ITLN1: variants seen among roughly 807,000 people sequenced by gnomAD.
The protein encoded by ITLN1 is intelectin 1.
Under a neutral mutation model 36.2 loss-of-function variants are expected in ITLN1, and 29 were observed. The observed-to-expected ratio is 0.80, with a 90% CI of 0.60 to 1.09. The LOEUF is 1.09. Ranked by LOEUF, ITLN1 falls within the 50% of genes least tolerant of loss-of-function variation. The probability of loss-of-function intolerance (pLI) is 0.00; values close to 1 mark genes in which losing one functional copy is unlikely to be tolerated. For synonymous variants in ITLN1, 143 were observed against 146.5 expected (o/e 0.98, Z 0.17); for missense variants, 358 against 405.2 (o/e 0.88, Z 1.00).
intron 6 of ITLN1, among the ~76,000 whole-genome samples, chr1:160,879,788 A>C (rs562546676): frequency 6.6e-6 from 1 of 152,324 alleles, no homozygotes; most frequent in South Asian, 2.1e-4. Flanking sequence ...TTTATTTTAA[A>C]ATCTCAACTC....
In ITLN1 at chr1:160,879,537, G is replaced by A. The variant is rs554694338; in HGVS notation, c.686-123C>T. On this transcript the variant is annotated intron_variant, in intron 6 of 7. Coordinates refer to ENST00000326245, the MANE Select transcript of ITLN1 (RefSeq NM_017625.3). ...AGCCCAACACTCCAGCTGTACTGGTGGAGCCCAGCACCCCTGTGGCCAATG... is the reference window on the plus strand; with the variant it reads ...AGCCCAACACTCCAGCTGTACTGGTAGAGCCCAGCACCCCTGTGGCCAATG... 8.2e-6 allele frequency: 6 copies of A among 733,918 alleles called. No individual in the cohort carries two copies. In the Admixed American group the frequency reaches 1.1e-4, roughly 13 times the overall value. 45.5% of individuals were successfully genotyped at this position (733,918 alleles called of 1,614,324 possible). A position where few individuals can be genotyped will look rare whatever the true frequency, so the allele number is the denominator to read the frequency against.
rs758448918 is a variant in ITLN1 at position 160,876,745 on chromosome 1, A to G, written c.861T>C (p.Asp287=). The G allele has an allele frequency of 5.6e-6, 9 of 1,614,196 alleles. No individual in the cohort carries two copies. The highest frequency in any genetic ancestry group is 7.6e-6 in the Non-Finnish European group (9 of 1,180,012). The change falls in exon 8 of 8, where the codon GAT becomes GAC. Residue 287 remains aspartate (D), a synonymous_variant. Coordinates refer to ENST00000326245, the MANE Select transcript of ITLN1 (RefSeq NM_017625.3). ...CAACATGAGTTCCATATCCACTCCA[A>G]TCAAAACCAGAAAAATCTCCACACT... ...PQQCGDFSGF[D]WSGYGTHVGY...
intron 5 of ITLN1, 137 bp downstream of exon 5, chr1:160,881,017 G>T: frequency 9.6e-7 from 1 of 1,038,986 alleles, no homozygotes; most frequent in Non-Finnish European, 1.4e-6. Flanking sequence ...CCTAAGAGAA[G>T]CAACAGAAGC....
chr1:160,883,435 AC>A lies in ITLN1; in HGVS notation c.149del (p.Ser50MetfsTer23). 2 of 1,609,778 alleles carry A rather than the reference AC, an allele frequency of 1.2e-6. No homozygotes were observed. Among genetic ancestry groups the A allele is most frequent in the Non-Finnish European group, 1.7e-6 (2 of 1,176,056 alleles). On this transcript the variant is annotated frameshift_variant, in exon 3 of 8. Coordinates refer to ENST00000326245, the MANE Select transcript of ITLN1 (RefSeq NM_017625.3). LOFTEE classifies it high-confidence loss of function. ...GAATGTTTCATCACTCACCAAATGC[AC>A]TAGGACATTCGTCTTTGATTTCCTT... ...SCKEIKDECP[S>X]AFDGLYFLRT...
intron 2 of ITLN1, among the ~76,000 whole-genome samples, chr1:160,883,898 A>G (rs924965945): frequency 1.3e-5 from 2 of 152,248 alleles, no homozygotes; most frequent in Middle Eastern, 6.3e-3. Context: ...ATTGACAAGA[A>G]TAAATGGTAG....
Position 160,882,319 on chromosome 1 carries a change from C to A in ITLN1, c.158-115G>T. The A allele has an allele frequency of 4.4e-6, 6 of 1,359,318 alleles. No individual in the cohort carries two copies. In the South Asian group the frequency reaches 7.7e-5, roughly 17 times the overall value. 84.2% of individuals were successfully genotyped at this position (1,359,318 alleles called of 1,614,324 possible). Reference sequence around the variant, plus strand: ...CATGGCCTAAAGGCTCCTGTCCTGACTCACATCACTAAGTGCTCCCAGGGG... The same window carrying A: ...CATGGCCTAAAGGCTCCTGTCCTGAATCACATCACTAAGTGCTCCCAGGGG... On this transcript the variant is annotated intron_variant, in intron 3 of 7. Coordinates refer to ENST00000326245, the MANE Select transcript of ITLN1 (RefSeq NM_017625.3).
In ITLN1 at chr1:160,881,963, G is replaced by C. The variant is rs374067201; in HGVS notation, c.399C>G (p.Asp133Glu). 2.1e-5 allele frequency: 34 copies of C among 1,614,052 alleles called. No homozygotes were observed. The African/African-American group carries it at 4.3e-4, about 20-fold the overall frequency. Residue 133 changes from aspartate to glutamate, a missense_variant, in exon 4 of 8, where the codon GAC becomes GAG. Asp to Glu is a conservative substitution (Grantham distance 45). Transcript: ENST00000326245. ...GGTAAGAAGTGGCACCAACCTTGTA[G>C]TCATCGCTCGTGGCCGCCTCTGCAG... ...FGSAEAATSD[D>E]YKNPGYYDIQ... is the part of the protein sequence containing the mutation.
chr1:160,883,263 A>G (rs1024643485), intron 3 of ITLN1, among the ~76,000 whole-genome samples, 165 bp downstream of exon 3: 1 of 152,196 alleles, frequency 6.6e-6, no homozygotes, highest in Non-Finnish European at 1.5e-5. Context: ...AAGGTAATTA[A>G]TGCCACTGAA....
chr1:160,881,754 A>T (rs558186842), intron 4 of ITLN1, among the ~76,000 whole-genome samples: 25 of 149,226 alleles, frequency 1.7e-4, no homozygotes, highest in African/African-American at 6.2e-4. Context: ...ATGAGCCGAG[A>T]TCACACCACT....
chr1:160,880,510 C>T (rs138180747), intron 6 of ITLN1, 78 bp downstream of exon 6: 20 of 1,455,152 alleles, frequency 1.4e-5, no homozygotes, highest in East Asian at 1.4e-4. Flanking sequence ...AGCTTCAGTC[C>T]GATGCATAAC....
chr1:160,879,127 T>C lies in ITLN1; in HGVS notation c.789+184A>G, dbSNP rs538614983. 2.6e-5 allele frequency among the ~76,000 whole-genome samples: 4 copies of C among 152,270 alleles called. No homozygotes were observed. In the East Asian group the frequency reaches 5.8e-4, roughly 22 times the overall value. On this transcript the variant is annotated intron_variant, in intron 7 of 7. Coordinates refer to ENST00000326245, the MANE Select transcript of ITLN1 (RefSeq NM_017625.3). ...GGTCTTCAAAGTGACAGGATATGTA[T>C]ACCTGGACAAAAGTTCCCATGGCCC...
At chr1:160,883,911 G>A (rs936432313) in intron 2 of ITLN1, among the ~76,000 whole-genome samples, 3 of 152,174 alleles carry the variant, frequency 2.0e-5, no homozygotes, top group East Asian at 3.8e-4. Context: ...AATGGTAGAA[G>A]AAAGGCAAAC....
chr1:160,885,028 A>G lies in ITLN1; in HGVS notation c.-7+33T>C, dbSNP rs544121078. 5 of 585,088 alleles carry G rather than the reference A, an allele frequency of 8.5e-6. No homozygotes were observed. The South Asian group carries it at 8.7e-5, about 10-fold the overall frequency. 36.2% of individuals were successfully genotyped at this position (585,088 alleles called of 1,614,324 possible). Reference sequence around the variant, plus strand: ...CATCTCTGAGACCAAAAGCAGACCTAAGCTGAAAACAGGATTCCCCCAACT... The same window carrying G: ...CATCTCTGAGACCAAAAGCAGACCTGAGCTGAAAACAGGATTCCCCCAACT... On this transcript the variant is annotated intron_variant, in intron 1 of 7. Transcript: ENST00000326245.
chr1:160,885,112 C>G lies in ITLN1; in HGVS notation c.-58G>C, dbSNP rs1670738026. 1 of 449,786 alleles carries G rather than the reference C, an allele frequency of 2.2e-6. No individual in the cohort carries two copies. The highest frequency in any genetic ancestry group is 1.9e-5 in the African/African-American group (1 of 51,374). The allele number at this position is 449,786 out of a possible 1,614,324, so 27.9% of individuals were successfully genotyped here. On this transcript the variant is annotated 5_prime_UTR_variant, in exon 1 of 8. Coordinates refer to ENST00000326245, the MANE Select transcript of ITLN1 (RefSeq NM_017625.3). ...CTTGGGTACAGAGAGCTCCTTCACTCCCTCCCTCCACTGCGCCCTGGAGCT... is the reference window on the plus strand; with the variant it reads ...CTTGGGTACAGAGAGCTCCTTCACTGCCTCCCTCCACTGCGCCCTGGAGCT...
At position 160,882,085 on chromosome 1, in the gene ITLN1, T is replaced by TC; in HGVS notation, c.276dup (p.Lys93GlufsTer41). The TC allele has an allele frequency of 6.2e-7, 1 of 1,614,118 alleles. No homozygotes were observed. The highest frequency in any genetic ancestry group is 2.2e-5 in the East Asian group (1 of 44,880). On this transcript the variant is annotated frameshift_variant, in exon 4 of 8. Coordinates refer to ENST00000326245, the MANE Select transcript of ITLN1 (RefSeq NM_017625.3). LOFTEE classifies it high-confidence loss of function. Reference sequence around the variant, plus strand: ...GACCAGCGATCGCCCACCGTGCACTTCCCACGCATGTCATTCTCGTGCACG... The same window carrying TC: ...GACCAGCGATCGCCCACCGTGCACTTCCCCACGCATGTCATTCTCGTGCACG...
intron 2 of ITLN1, 121 bp downstream of exon 2, chr1:160,884,699 C>A: frequency 3.0e-6 from 2 of 674,980 alleles, no homozygotes; most frequent in Admixed American, 4.5e-5. Flanking sequence ...GAAATCGGCA[C>A]TCAGTCTACA....
Position 160,883,442 on chromosome 1 carries a change from C to T in ITLN1, c.143G>A (p.Cys48Tyr). 1 of 1,611,882 alleles carries T rather than the reference C, an allele frequency of 6.2e-7. No homozygotes were observed. The highest frequency in any genetic ancestry group is 8.5e-7 in the Non-Finnish European group (1 of 1,177,976). ...TCATCACTCACCAAATGCACTAGGA[C>T]ATTCGTCTTTGATTTCCTTGCAGCT... ...PRSCKEIKDE[C>Y]PSAFDGLYFL... is the part of the protein sequence containing the mutation. The change falls in exon 3 of 8, where the codon TGT (cysteine) becomes TAT (tyrosine). Residue 48 changes from cysteine to tyrosine, a missense_variant. Coordinates refer to ENST00000326245, the MANE Select transcript of ITLN1 (RefSeq NM_017625.3).
intron 3 of ITLN1, chr1:160,882,425 T>C: frequency 2.2e-6 from 1 of 454,460 alleles, no homozygotes; most frequent in Non-Finnish European, 3.8e-6. Flanking sequence ...CCCAGTGACA[T>C]TTTTCATAAA....
chr1:160,877,312 A>T (rs182272001), intron 7 of ITLN1, among the ~76,000 whole-genome samples: 16 of 151,976 alleles, frequency 1.1e-4, no homozygotes, highest in Non-Finnish European at 1.5e-4. Context: ...ACTTTTCTGA[A>T]TATTCATGCT....
Sources: gnomAD v4.1 joint callset for allele counts (sites outside exome capture counted in the v4.1 genomes callset) on GRCh38, gnomAD v4.1.1 for gene constraint, MANE v1.5 for transcripts, NCBI Gene and HGNC (gene_info 2026-07-23, HGNC 2026-07-21) for gene names.